Variants in PARD3B observed in about 807,000 individuals in gnomAD.
PARD3B encodes partitioning defective 3 homolog B.
A neutral mutation model predicts 130.2 loss-of-function variants in PARD3B; 103 were observed. The observed-to-expected ratio is 0.79, with a 90% confidence interval of 0.67 to 0.93. PARD3B has a LOEUF of 0.93. Ranked by LOEUF, PARD3B falls within the 40% of genes least tolerant of loss-of-function variation. The pLI, the probability that PARD3B is intolerant of heterozygous loss-of-function variation, is 0.00. For missense variants in PARD3B, 1,609 were observed against 1,499.2 expected, an observed-to-expected ratio of 1.07 and a Z score of -1.21; for synonymous variants, 583 against 553.2, an observed-to-expected ratio of 1.05 and a Z score of -0.76.
chr2:205,465,400 C>T (rs1310329446), intron 20 of PARD3B, among the ~76,000 whole-genome samples: 1 of 152,108 alleles, frequency 6.6e-6, no homozygotes, highest in Non-Finnish European at 1.5e-5. Flanking sequence ...GATTTGTACG[C>T]CTGAATAAAG....
intron 15 of PARD3B, among the ~76,000 whole-genome samples, chr2:205,195,424 A>T (rs1426283566): frequency 1.3e-5 from 2 of 152,194 alleles, no homozygotes; most frequent in African/African-American, 4.8e-5. Flanking sequence ...GCTAAAGCCA[A>T]CAGTCTTTCA....
At chr2:204,657,125 CT>C (rs1425757654) in intron 1 of PARD3B, among the ~76,000 whole-genome samples, 1 of 152,224 alleles carries the variant, frequency 6.6e-6, no homozygotes, top group Non-Finnish European at 1.5e-5. Flanking sequence ...TGTCGTATCA[CT>C]TTCTTCTCTT....
At chr2:204,872,291 A>G (rs2045660029) in intron 2 of PARD3B, among the ~76,000 whole-genome samples, 2 of 152,010 alleles carry the variant, frequency 1.3e-5, no homozygotes, top group Admixed American at 6.6e-5. Context: ...TATAACATAC[A>G]TGTAATATAT....
intron 1 of PARD3B, among the ~76,000 whole-genome samples, chr2:204,549,926 T>TA (rs66967039): frequency 0.018 from 2,796 of 151,196 alleles, 98 homozygotes; most frequent in African/African-American, 0.065. Flanking sequence ...CTTTTCTCAT[T>TA]AAAAAAAAAC....
At chr2:205,219,757 A>G (rs2038138955) in intron 15 of PARD3B, among the ~76,000 whole-genome samples, 1 of 152,190 alleles carries the variant, frequency 6.6e-6, no homozygotes, top group African/African-American at 2.4e-5. Context: ...GGTTACTTCC[A>G]TTCTGGGCTG....
chr2:205,459,635 C>T (rs2048383691), intron 20 of PARD3B, among the ~76,000 whole-genome samples: 1 of 152,162 alleles, frequency 6.6e-6, no homozygotes, highest in Non-Finnish European at 1.5e-5. Flanking sequence ...CCTACAGTCA[C>T]TGTTGTGCTC....
Position 205,210,073 on chromosome 2 carries a change from G to A in PARD3B, c.2140+16753G>A, listed in dbSNP as rs1399400716. Among the ~76,000 whole-genome samples the A allele has an allele frequency of 2.0e-5, 3 of 151,688 alleles. No individual in the cohort carries two copies. The East Asian group carries it at 5.8e-4, about 29-fold the overall frequency. On this transcript the variant is annotated intron_variant, in intron 15 of 22. Coordinates refer to ENST00000406610, the MANE Select transcript of PARD3B (RefSeq NM_001302769.2). Reference sequence around the variant, plus strand: ...ATACAAAATAAAAAATTATCTTAAGGGATAAAACAGGGCCAGTCATGGTGG... The same window carrying A: ...ATACAAAATAAAAAATTATCTTAAGAGATAAAACAGGGCCAGTCATGGTGG...
intron 21 of PARD3B, among the ~76,000 whole-genome samples, chr2:205,547,196 C>G (rs1220152002): frequency 6.6e-6 from 1 of 152,096 alleles, no homozygotes; most frequent in African/African-American, 2.4e-5. Context: ...AAGTATTAAT[C>G]CCATTCCATA....
At chr2:205,194,950 ATT>A (rs56836818) in intron 15 of PARD3B, among the ~76,000 whole-genome samples, 7 of 111,220 alleles carry the variant, frequency 6.3e-5, no homozygotes, top group African/African-American at 1.4e-4. Flanking sequence ...CGCCAGGCTA[ATT>A]TTTTTTTTTT....
intron 3 of PARD3B, among the ~76,000 whole-genome samples, chr2:205,004,588 GGAAAT>G (rs1204209006): frequency 1.3e-5 from 2 of 152,076 alleles, no homozygotes; most frequent in African/African-American, 4.8e-5. Flanking sequence ...GGAAGGCAGA[GGAAAT>G]GAAATGAAAT....
chr2:205,183,730 T>TTGTTTG lies in PARD3B; in HGVS notation c.1925-2031_1925-2030insTTGTGT, dbSNP rs2035926383. Reference sequence around the variant, plus strand: ...GGTTCTGCAGAGAAACAGAACCAAGTTGTGTGTGTGTGTGTGTGTGTGTGT... The same window carrying TTGTTTG: ...GGTTCTGCAGAGAAACAGAACCAAGTTGTTTGTGTGTGTGTGTGTGTGTGTGTGTGT... On this transcript the variant is annotated intron_variant, in intron 13 of 22. Coordinates refer to ENST00000406610, the MANE Select transcript of PARD3B (RefSeq NM_001302769.2). The surrounding 1 kb of genome is among the most constrained non-coding windows in gnomAD (Gnocchi z 5.2). 7.2e-6 allele frequency among the ~76,000 whole-genome samples: 1 copy of TTGTTTG among 138,252 alleles called. No individual in the cohort carries two copies. Among genetic ancestry groups the TTGTTTG allele is most frequent in the Admixed American group, 7.4e-5 (1 of 13,604 alleles). 90.7% of individuals were successfully genotyped at this position (138,252 alleles called of 152,430 possible). A position where few individuals can be genotyped will look rare whatever the true frequency, so the allele number is the denominator to read the frequency against.
chr2:205,111,406 A>T (rs1703636482), intron 5 of PARD3B, among the ~76,000 whole-genome samples: 1 of 152,030 alleles, frequency 6.6e-6, no homozygotes, highest in Non-Finnish European at 1.5e-5. Flanking sequence ...ATTCTCACAA[A>T]TTTTTTAAGT....
At position 205,263,907 on chromosome 2, in the gene PARD3B, T is replaced by C. The variant is rs2040408884; in HGVS notation, c.2185+18085T>C. On this transcript the variant is annotated intron_variant, in intron 16 of 22. Coordinates refer to ENST00000406610, the MANE Select transcript of PARD3B (RefSeq NM_001302769.2). The surrounding 1 kb of genome is among the most constrained non-coding windows in gnomAD (Gnocchi z 4.0). ...GCAAAGGCACAAGTAGACTATTTAC[T>C]AGGTTATTTTAGACAAAGAGTAATG... Among the ~76,000 whole-genome samples, 1 of 151,196 alleles carries C rather than the reference T, an allele frequency of 6.6e-6. No homozygotes were observed. Among genetic ancestry groups the C allele is most frequent in the Non-Finnish European group, 1.5e-5 (1 of 67,648 alleles).
At chr2:204,750,949 A>G (rs2040443174) in intron 2 of PARD3B, among the ~76,000 whole-genome samples, 1 of 152,176 alleles carries the variant, frequency 6.6e-6, no homozygotes, top group Admixed American at 6.5e-5. Context: ...ATGAACACTC[A>G]GTACATTGAC....
At position 204,677,588 on chromosome 2, in the gene PARD3B, G is replaced by A. The variant is rs1275205595; in HGVS notation, c.121-8593G>A. 1.3e-5 allele frequency among the ~76,000 whole-genome samples: 2 copies of A among 152,178 alleles called. No individual in the cohort carries two copies. Among genetic ancestry groups the A allele is most frequent in the Non-Finnish European group, 2.9e-5 (2 of 68,038 alleles). ...AGTTAATGATGGTCTCTTCAAATCT[G>A]ACAAAATACTCTAAATGTAGTGGGA... is the stretch of plus-strand genomic sequence containing the variant. On this transcript the variant is annotated intron_variant, in intron 1 of 22. Coordinates refer to ENST00000406610, the MANE Select transcript of PARD3B (RefSeq NM_001302769.2). This position sits in a 1 kb window ranked among gnomAD's most constrained non-coding sequence, Gnocchi z 4.1.
chr2:204,716,992 T>C (rs2038763802), intron 2 of PARD3B, among the ~76,000 whole-genome samples: 1 of 152,168 alleles, frequency 6.6e-6, no homozygotes, highest in Admixed American at 6.5e-5. Context: ...TTTTCTGATG[T>C]CTTTAGGTTG....
chr2:205,504,130 C>T (rs1472286475), intron 21 of PARD3B, among the ~76,000 whole-genome samples: 12 of 152,172 alleles, frequency 7.9e-5, no homozygotes, highest in South Asian at 4.1e-4. Context: ...CTAACAAAAA[C>T]AAGAAATGGG....
At chr2:205,417,086 C>T (rs1277271318) in intron 19 of PARD3B, among the ~76,000 whole-genome samples, 2 of 113,310 alleles carry the variant, frequency 1.8e-5, no homozygotes, top group South Asian at 3.8e-4. Flanking sequence ...CCCCTCCCCC[C>T]ACCCCCCGGC....
chr2:204,676,122 C>T lies in PARD3B; in HGVS notation c.121-10059C>T, dbSNP rs561097065. Among the ~76,000 whole-genome samples the T allele has an allele frequency of 2.4e-3, 328 of 136,822 alleles. 1 individual carries two copies. Among genetic ancestry groups the T allele is most frequent in the Admixed American group, 4.8e-3 (64 of 13,340 alleles). 89.8% of individuals were successfully genotyped at this position (136,822 alleles called of 152,430 possible). A position where few individuals can be genotyped will look rare whatever the true frequency, so the allele number is the denominator to read the frequency against. On this transcript the variant is annotated intron_variant, in intron 1 of 22. Coordinates refer to ENST00000406610, the MANE Select transcript of PARD3B (RefSeq NM_001302769.2). Reference sequence around the variant, plus strand: ...AAAATTCCAAGTATTTTTTTTGGGGCGGGGGGTGGTAATGAGGGGAAGGTG... The same window carrying T: ...AAAATTCCAAGTATTTTTTTTGGGGTGGGGGGTGGTAATGAGGGGAAGGTG...
Sources: allele counts gnomAD v4.1 joint callset (sites outside exome capture counted in the v4.1 genomes callset), GRCh38; gene constraint gnomAD v4.1.1; non-coding constraint Gnocchi (gnomAD v3.1); transcripts MANE v1.5; gene names NCBI Gene and HGNC (gene_info 2026-07-23, HGNC 2026-07-21).